CREB5: variants seen among roughly 807,000 people sequenced by gnomAD.
CREB5 encodes the protein cyclic AMP-responsive element-binding protein 5.
A neutral mutation model predicts 57.1 loss-of-function variants in CREB5; 19 were observed. The observed-to-expected ratio is 0.33, with a 90% CI of 0.23 to 0.49. CREB5 has a LOEUF of 0.49. CREB5 is among the 20% of genes least tolerant of loss of function. The pLI is 0.99. For missense variants in CREB5, 579 were observed against 671.6 expected, an observed-to-expected ratio of 0.86 and a Z score of 1.52; for synonymous variants, 238 against 238.3, an observed-to-expected ratio of 1.00 and a Z score of 0.01.
At chr7:28,407,058 A>ATT (rs199539750) in intron 1 of CREB5, among the ~76,000 whole-genome samples, 5 of 149,798 alleles carry the variant, frequency 3.3e-5, no homozygotes, top group African/African-American at 7.4e-5. Context: ...TTTTCCTTTT[A>ATT]TTTTTTTTGA....
chr7:28,352,717 C>G (rs1786258306), intron 1 of CREB5, among the ~76,000 whole-genome samples: 2 of 152,140 alleles, frequency 1.3e-5, no homozygotes, highest in African/African-American at 4.8e-5. Context: ...AGTAGGAAGA[C>G]TTTTGCAGAA....
At chr7:28,560,587 G>A (rs150270110) in intron 4 of CREB5, among the ~76,000 whole-genome samples, 2 of 152,184 alleles carry the variant, frequency 1.3e-5, no homozygotes, top group East Asian at 1.9e-4. Context: ...AGGACAGGAG[G>A]TGACAGACCT....
At chr7:28,353,551 T>C (rs1330339520) in intron 1 of CREB5, among the ~76,000 whole-genome samples, 5 of 152,024 alleles carry the variant, frequency 3.3e-5, no homozygotes, top group African/African-American at 1.2e-4. Flanking sequence ...CATACAAAAA[T>C]GGGAGAACGG....
chr7:28,584,378 T>C (rs768159054), intron 5 of CREB5, among the ~76,000 whole-genome samples: 10 of 152,232 alleles, frequency 6.6e-5, no homozygotes, highest in Non-Finnish European at 1.3e-4. Flanking sequence ...TAAGATGACA[T>C]TGTGGAGGAT....
intron 3 of CREB5, among the ~76,000 whole-genome samples, chr7:28,502,232 GTGAT>G (rs1225591687): frequency 3.3e-5 from 5 of 152,130 alleles, no homozygotes; most frequent in African/African-American, 4.8e-5. Flanking sequence ...TCTGTGTGTT[GTGAT>G]TGATTATCGA....
chr7:28,349,490 C>A (rs1287898163), intron 1 of CREB5, among the ~76,000 whole-genome samples: 3 of 151,798 alleles, frequency 2.0e-5, no homozygotes, highest in Non-Finnish European at 4.4e-5. Context: ...GGATGTAAGC[C>A]ATGGCATTGA....
intron 7 of CREB5, among the ~76,000 whole-genome samples, chr7:28,732,938 T>A (rs1803745397): frequency 6.6e-6 from 1 of 152,152 alleles, no homozygotes; most frequent in Admixed American, 6.5e-5. Context: ...AAATTGTCTT[T>A]TTATCGCTTG....
intron 5 of CREB5, among the ~76,000 whole-genome samples, chr7:28,684,510 C>T (rs1446360846): frequency 6.6e-6 from 1 of 152,216 alleles, no homozygotes; most frequent in Non-Finnish European, 1.5e-5. Flanking sequence ...CGGCAACACT[C>T]CCTGAAGCTG....
chr7:28,356,861 C>T (rs117322709), intron 1 of CREB5, among the ~76,000 whole-genome samples: 3,911 of 152,270 alleles, frequency 0.026, 101 homozygotes, highest in Admixed American at 0.058. Flanking sequence ...GTCACACGGC[C>T]GTCTGTGGCT....
rs145171631 is a variant in CREB5 at position 28,812,423 on chromosome 7, C to T, written c.1254+3009C>T. On this transcript the variant is annotated intron_variant, in intron 9 of 10. Transcript: ENST00000357727. ...TTACAGAACATACAAGGTAAATTTACCCTTCGCTAGACCCTAATGCACTGA... is the reference window on the plus strand; with the variant it reads ...TTACAGAACATACAAGGTAAATTTATCCTTCGCTAGACCCTAATGCACTGA... Among the ~76,000 whole-genome samples, 718 of 152,226 alleles carry T rather than the reference C, an allele frequency of 4.7e-3. 6 individuals are homozygous for T. The highest frequency in any genetic ancestry group is 0.016 in the African/African-American group (648 of 41,534).
chr7:28,308,007 C>A (rs1367442385), intron 1 of CREB5, among the ~76,000 whole-genome samples: 1 of 152,106 alleles, frequency 6.6e-6, no homozygotes, highest in Non-Finnish European at 1.5e-5. Context: ...ACTGCAGAGG[C>A]CCTGAAGATA....
In CREB5 at chr7:28,350,599, G is replaced by A. The variant is rs181649392; in HGVS notation, c.-25+51158G>A. Among the ~76,000 whole-genome samples, 29 of 152,012 alleles carry A rather than the reference G, an allele frequency of 1.9e-4. No individual in the cohort carries two copies. In the East Asian group the frequency reaches 4.1e-3, roughly 21 times the overall value. ...GCAAACAAAAAACAAACAAACAAAC[G>A]AAACGTCTGCTAGAATTTCTGGAAA... On this transcript the variant is annotated intron_variant, in intron 1 of 9. Transcript: ENST00000396299.
intron 7 of CREB5, among the ~76,000 whole-genome samples, chr7:28,791,524 A>G (rs1583753897): frequency 6.6e-6 from 1 of 152,180 alleles, no homozygotes; most frequent in East Asian, 1.9e-4. Flanking sequence ...ATCACTTAAC[A>G]TTTCTTCACA....
intron 1 of CREB5, among the ~76,000 whole-genome samples, chr7:28,446,793 A>G (rs1789500431): frequency 6.9e-6 from 1 of 144,686 alleles, no homozygotes; most frequent in Non-Finnish European, 1.5e-5. Flanking sequence ...CTCTGTCTCA[A>G]AACAAAACAA....
chr7:28,476,892 A>C (rs1344996538), intron 1 of CREB5, among the ~76,000 whole-genome samples: 1 of 152,070 alleles, frequency 6.6e-6, no homozygotes, highest in Non-Finnish European at 1.5e-5. Context: ...TCTCAAAAGC[A>C]CTTTACTAAA....
chr7:28,320,835 A>G (rs774966589), intron 1 of CREB5, among the ~76,000 whole-genome samples: 5 of 152,256 alleles, frequency 3.3e-5, no homozygotes, highest in Non-Finnish European at 5.9e-5. Context: ...TGAAAAGACA[A>G]ATGTAAGCAA....
chr7:28,744,340 C>CTT lies in CREB5; in HGVS notation c.702+20033_702+20034dup, dbSNP rs753167682. Among the ~76,000 whole-genome samples, 59 of 88,824 alleles carry CTT rather than the reference C, an allele frequency of 6.6e-4. 3 individuals carry two copies. The highest frequency in any genetic ancestry group is 1.8e-3 in the African/African-American group (40 of 21,996). The allele number at this position is 88,824 out of a possible 152,430, so 58.3% of individuals were successfully genotyped here. On this transcript the variant is annotated intron_variant, in intron 7 of 10. Coordinates refer to ENST00000357727, the MANE Select transcript of CREB5 (RefSeq NM_182898.4). ...ACCTCTCATTTTACCTTTAGTACCT[C>CTT]TTTTTTTTTTTTTTTTTTTTTTTTT...
intron 4 of CREB5, among the ~76,000 whole-genome samples, chr7:28,542,088 G>T (rs960347294): frequency 3.9e-5 from 6 of 152,194 alleles, no homozygotes; most frequent in African/African-American, 1.4e-4. Flanking sequence ...GCCAACGTTT[G>T]ACAAGGGCTT....
intron 4 of CREB5, among the ~76,000 whole-genome samples, chr7:28,554,993 C>T (rs1794802352): frequency 6.6e-6 from 1 of 152,044 alleles, no homozygotes; most frequent in South Asian, 2.1e-4. Flanking sequence ...CCATAAGCAC[C>T]CCATTCTGGC....
Sources: gnomAD v4.1 joint callset for allele counts (sites outside exome capture counted in the v4.1 genomes callset) on GRCh38, gnomAD v4.1.1 for gene constraint, MANE v1.5 for transcripts, NCBI Gene and HGNC (gene_info 2026-07-23, HGNC 2026-07-21) for gene names.